SMAD4: variants seen among roughly 807,000 people sequenced by gnomAD.
The protein encoded by SMAD4 is SMAD family member 4, also known as MAD homolog 4.
Under a neutral mutation model 63.2 loss-of-function variants are expected in SMAD4, and 7 were observed. The observed-to-expected ratio is 0.11, with a 90% CI of 0.06 to 0.21. The LOEUF is 0.21. SMAD4 is among the 10% of genes least tolerant of loss of function. The probability of loss-of-function intolerance (pLI) is 1.00; values close to 1 mark genes in which losing one functional copy is unlikely to be tolerated. For synonymous variants in SMAD4, 215 were observed against 235.4 expected (o/e 0.91, Z 0.79); for missense variants, 312 against 693.8 (o/e 0.45, Z 6.18).
At chr18:51,045,426 C>CTTT (rs758541189) in intron 1 of SMAD4, among the ~76,000 whole-genome samples, 4 of 152,128 alleles carry the variant, frequency 2.6e-5, no homozygotes, top group Admixed American at 6.5e-5. Context: ...TCCAGTCCTG[C>CTTT]TTTATCTTCT....
chr18:51,077,387 C>A (rs1240060687), intron 11 of SMAD4: 1 of 984,970 alleles, frequency 1.0e-6, no homozygotes, highest in Admixed American at 6.2e-5. Flanking sequence ...ACTAGTGATT[C>A]ATTCAACCCC....
chr18:51,062,531 T>C (rs1910040758), intron 8 of SMAD4, among the ~76,000 whole-genome samples: 1 of 152,084 alleles, frequency 6.6e-6, no homozygotes, highest in African/African-American at 2.4e-5. Flanking sequence ...GATGAACTCT[T>C]GTTCTGTCAC....
In SMAD4 at chr18:51,031,455, A is replaced by T. The variant is rs534372565; in HGVS notation, c.-128+832A>T. Reference sequence around the variant, plus strand: ...AACCTAAGTACGTTTGTTTTTATTTAAAAAAACACATTTATTTCCCAATTA... The same window carrying T: ...AACCTAAGTACGTTTGTTTTTATTTTAAAAAACACATTTATTTCCCAATTA... On this transcript the variant is annotated intron_variant, in intron 1 of 11. Coordinates refer to ENST00000342988, the MANE Select transcript of SMAD4 (RefSeq NM_005359.6). Among the ~76,000 whole-genome samples the T allele has an allele frequency of 3.9e-5, 6 of 152,304 alleles. No homozygotes were observed. The South Asian group carries it at 1.2e-3, about 32-fold the overall frequency.
chr18:51,050,153 T>C (rs1299575024), intron 4 of SMAD4, among the ~76,000 whole-genome samples: 1 of 151,040 alleles, frequency 6.6e-6, no homozygotes, highest in African/African-American at 2.4e-5. Context: ...AGGTCAGGAG[T>C]TTGACACCAG....
At chr18:51,038,254 G>C (rs59795420) in intron 1 of SMAD4, among the ~76,000 whole-genome samples, 6 of 61,134 alleles carry the variant, frequency 9.8e-5, no homozygotes, top group Non-Finnish European at 1.5e-4. Flanking sequence ...GAGACTGTGG[G>C]GGGGGGGGCA....
intron 4 of SMAD4, among the ~76,000 whole-genome samples, chr18:51,051,761 T>A (rs1019409308): frequency 1.3e-5 from 2 of 152,108 alleles, no homozygotes; most frequent in Non-Finnish European, 2.9e-5. Flanking sequence ...TGGTTTCAGC[T>A]TTTTTGTCAC....
chr18:51,031,497 A>G (rs530805199), intron 1 of SMAD4, among the ~76,000 whole-genome samples: 1 of 152,312 alleles, frequency 6.6e-6, no homozygotes, highest in African/African-American at 2.4e-5. Flanking sequence ...TAATGCATTT[A>G]GTTTTTGCAC....
At chr18:51,057,266 A>G (rs1338458627) in intron 5 of SMAD4, among the ~76,000 whole-genome samples, 1 of 152,146 alleles carries the variant, frequency 6.6e-6, no homozygotes. Flanking sequence ...GTGCTTTCCA[A>G]ATAGGATTAA....
chr18:51,043,639 T>C (rs1909453925), intron 1 of SMAD4, among the ~76,000 whole-genome samples: 1 of 150,390 alleles, frequency 6.6e-6, no homozygotes, highest in Admixed American at 6.6e-5. Flanking sequence ...GAAAGCTGTT[T>C]GTTTAAGAAA....
chr18:51,047,374 C>T (rs2144402477), intron 2 of SMAD4, 79 bp downstream of exon 2: 2 of 1,291,296 alleles, frequency 1.5e-6, no homozygotes, highest in Non-Finnish European at 1.1e-6. Context: ...CAAGCTACTA[C>T]AGGGTAATTT....
In SMAD4 at chr18:51,084,093, C is replaced by T. The variant is rs75998234; in HGVS notation, c.*5626C>T. On this transcript the variant is annotated 3_prime_UTR_variant, in exon 12 of 12. Transcript: ENST00000342988. ...TCATGACATTCTAGCTTTTGAATTG[C>T]GTGCACACACACACGCACGCACACA... is the stretch of plus-strand genomic sequence containing the variant. The T allele has an allele frequency of 5.3e-5, 12 of 228,222 alleles. No homozygotes were observed. The highest frequency in any genetic ancestry group is 2.6e-3 in the Middle Eastern group (2 of 770). The allele number at this position is 228,222 out of a possible 1,614,324, so 14.1% of individuals were successfully genotyped here.
chr18:51,032,066 T>C (rs1344630835), intron 1 of SMAD4, among the ~76,000 whole-genome samples: 1 of 152,216 alleles, frequency 6.6e-6, no homozygotes, highest in Admixed American at 6.5e-5. Context: ...ACAGAACAAA[T>C]GTAATAGAGA....
chr18:51,038,253 G>GC (rs60096801), intron 1 of SMAD4, among the ~76,000 whole-genome samples: 5 of 144,388 alleles, frequency 3.5e-5, no homozygotes, highest in South Asian at 2.3e-4. Context: ...CGAGACTGTG[G>GC]GGGGGGGGGC....
In SMAD4 at chr18:51,084,926, T is replaced by C. The variant is rs1261075560; in HGVS notation, c.*6459T>C. On this transcript the variant is annotated 3_prime_UTR_variant, in exon 12 of 12. Coordinates refer to ENST00000342988, the MANE Select transcript of SMAD4 (RefSeq NM_005359.6). ...GTCAGTTGAAAGTCCCAGGAGTTCC[T>C]TTGTGGCTTTCTGTATACTTTTGCC... 1.8e-5 allele frequency: 4 copies of C among 220,294 alleles called. No individual in the cohort carries two copies. In the South Asian group the frequency reaches 7.4e-4, roughly 41 times the overall value. 13.6% of individuals were successfully genotyped at this position (220,294 alleles called of 1,614,324 possible). A position where few individuals can be genotyped will look rare whatever the true frequency, so the allele number is the denominator to read the frequency against.
chr18:51,062,046 A>G (rs1179325476), intron 8 of SMAD4, among the ~76,000 whole-genome samples: 3 of 152,222 alleles, frequency 2.0e-5, no homozygotes, highest in Non-Finnish European at 2.9e-5. Context: ...GCTGGCTAGC[A>G]GTAGATGTCA....
Position 51,083,584 on chromosome 18 carries a change from C to T in SMAD4, c.*5117C>T, listed in dbSNP as rs1910663626. ...AATGCTTTCTCAATAGGTCCAGAGCCAGTGTTCTTGTTCAACCTGAAAGTA... is the reference window on the plus strand; with the variant it reads ...AATGCTTTCTCAATAGGTCCAGAGCTAGTGTTCTTGTTCAACCTGAAAGTA... On this transcript the variant is annotated 3_prime_UTR_variant, in exon 12 of 12. Coordinates refer to ENST00000342988, the MANE Select transcript of SMAD4 (RefSeq NM_005359.6). 2 of 228,276 alleles carry T rather than the reference C, an allele frequency of 8.8e-6. No individual in the cohort carries two copies. The highest frequency in any genetic ancestry group is 8.7e-6 in the Non-Finnish European group (1 of 114,974). The allele number at this position is 228,276 out of a possible 1,614,324, so 14.1% of individuals were successfully genotyped here. A position where few individuals can be genotyped will look rare whatever the true frequency, so the allele number is the denominator to read the frequency against.
chr18:51,073,431 A>ACACACACACC (rs1910386126), intron 10 of SMAD4, among the ~76,000 whole-genome samples: 1 of 132,240 alleles, frequency 7.6e-6, no homozygotes, highest in African/African-American at 2.7e-5. Context: ...ACACACACAC[A>ACACACACACC]CACCATACTT....
rs1060504025 is a variant in SMAD4, at chr18:51,067,019, G to A, written c.1140G>A (p.Arg380=). The change falls in exon 10 of 12, where the codon AGG becomes AGA. Residue 380 remains arginine (R), a splice_region_variant and synonymous_variant. Transcript: ENST00000342988. The stretch of plus-strand genomic sequence containing the variant: ...ATGTAATTTCTTTTTTCTTCCTAAG[G>A]TTGCACATAGGCAAAGGTGTGCAGT... ...VHRTEAIERA[R]LHIGKGVQLE... 1 of 1,610,522 alleles carries A rather than the reference G, an allele frequency of 6.2e-7. No individual in the cohort carries two copies. Among genetic ancestry groups the A allele is most frequent in the Non-Finnish European group, 8.5e-7 (1 of 1,177,104 alleles).
chr18:51,030,481 G>A lies in SMAD4; in HGVS notation c.-270G>A, dbSNP rs1397487124. On this transcript the variant is annotated 5_prime_UTR_variant, in exon 1 of 12. Transcript: ENST00000342988. ...CGGCCCGCGCGGGCAGCGGCGCGGC[G>A]CTGAGGAGGGGCGGCCTGGCCGGGA... 6.7e-6 allele frequency: 1 copy of A among 150,252 alleles called. No homozygotes were observed. Among genetic ancestry groups the A allele is most frequent in the Non-Finnish European group, 1.5e-5 (1 of 67,390 alleles). The allele number at this position is 150,252 out of a possible 1,614,324, so 9.3% of individuals were successfully genotyped here.
Sources: allele counts gnomAD v4.1 joint callset (sites outside exome capture counted in the v4.1 genomes callset), GRCh38; gene constraint gnomAD v4.1.1; transcripts MANE v1.5; gene names NCBI Gene and HGNC (gene_info 2026-07-23, HGNC 2026-07-21).